The following ABLIM1 variants were observed in gnomAD, a reference collection of about 807,000 sequenced individuals.
The protein encoded by ABLIM1 is actin-binding LIM protein 1.
In ABLIM1, 40 loss-of-function variants were observed where a neutral mutation model predicts 107.0. The ratio of observed to expected loss-of-function variants is 0.37; its 90% confidence interval spans 0.29 to 0.49. The LOEUF is 0.49. Among genes scored for constraint, ABLIM1 ranks in the 20% least tolerant of loss-of-function variants. ABLIM1 has a pLI of 0.97. For missense variants in ABLIM1, 857 were observed against 1,008.5 expected (o/e 0.85, Z 2.04); for synonymous variants, 357 against 357.3 (o/e 1.00, Z 0.01).
intron 1 of ABLIM1, among the ~76,000 whole-genome samples, chr10:114,749,332 T>C (rs559053625): frequency 6.6e-6 from 1 of 152,262 alleles, no homozygotes; most frequent in South Asian, 2.1e-4. Context: ...GCCTCTTTCT[T>C]GTTCCAACAA....
chr10:114,514,608 G>C (rs989057883), intron 6 of ABLIM1, among the ~76,000 whole-genome samples: 1 of 152,086 alleles, frequency 6.6e-6, no homozygotes, highest in Non-Finnish European at 1.5e-5. Context: ...CAAGCTCCTC[G>C]GCTCAAGTGA....
At chr10:114,525,459 T>C (rs916401326) in intron 6 of ABLIM1, among the ~76,000 whole-genome samples, 1 of 152,200 alleles carries the variant, frequency 6.6e-6, no homozygotes, top group African/African-American at 2.4e-5. Flanking sequence ...CTCGAAAACA[T>C]TGGTCAAAAC....
At chr10:114,767,912 C>T in intron 1 of ABLIM1, 2 of 309,802 alleles carry the variant, frequency 6.5e-6, no homozygotes, top group South Asian at 4.5e-5. Flanking sequence ...TTCCCCTGCC[C>T]CCGGCCCCCG....
chr10:114,786,832 T>A, the ABLIM1 span, among the ~76,000 whole-genome samples: 2 of 152,178 alleles, frequency 1.3e-5, no homozygotes, highest in African/African-American at 2.4e-5. Context: ...AGTGGCGTGA[T>A]CTCGGCTCGC....
chr10:114,481,572 A>G (rs78237459), intron 8 of ABLIM1, among the ~76,000 whole-genome samples: 4,479 of 152,232 alleles, frequency 0.029, 193 homozygotes, highest in African/African-American at 0.099. Context: ...CTGAATGCCC[A>G]CTGCTAAGCA....
At chr10:114,482,442 C>T (rs2057510752) in intron 8 of ABLIM1, among the ~76,000 whole-genome samples, 1 of 152,162 alleles carries the variant, frequency 6.6e-6, no homozygotes, top group Non-Finnish European at 1.5e-5. Context: ...TATCTAATAA[C>T]TAAGGGTACT....
At chr10:114,485,238 C>T in intron 8 of ABLIM1, 1 of 1,352,160 alleles carries the variant, frequency 7.4e-7, no homozygotes, top group Non-Finnish European at 1.0e-6. Context: ...AGGGGAAAAG[C>T]AACAGAAGCC....
the ABLIM1 span, among the ~76,000 whole-genome samples, chr10:114,777,524 T>G: frequency 6.6e-6 from 1 of 152,186 alleles, no homozygotes; most frequent in Non-Finnish European, 1.5e-5. Flanking sequence ...ATAAAATAAT[T>G]GAGGGTAACT....
intron 1 of ABLIM1, among the ~76,000 whole-genome samples, chr10:114,763,399 T>C (rs988111226): frequency 6.6e-5 from 7 of 106,720 alleles, no homozygotes; most frequent in African/African-American, 2.1e-4. Flanking sequence ...TATTAATACA[T>C]TGATAGTGAT....
At position 114,698,771 on chromosome 10, in the gene ABLIM1, T is replaced by C. The variant is rs116881273; in HGVS notation, c.-213+69290A>G. Among the ~76,000 whole-genome samples the C allele has an allele frequency of 3.3e-5, 5 of 152,090 alleles. No homozygotes were observed. In the East Asian group the frequency reaches 9.7e-4, roughly 29 times the overall value. ...AAAACAATTCAGCATGTGGAGAAAA[T>C]AAGAAATTTTCAGACAGGGAAGGAT... On this transcript the variant is annotated intron_variant, in intron 1 of 15. Coordinates refer to the ABLIM1 transcript ENST00000651092.
chr10:114,563,598 G>A (rs945181626), intron 4 of ABLIM1, among the ~76,000 whole-genome samples: 6 of 152,014 alleles, frequency 3.9e-5, no homozygotes, highest in Admixed American at 3.3e-4. Flanking sequence ...ACTTTGGGAA[G>A]CTGAGGTGGG....
At chr10:114,654,755 G>A in intron 1 of ABLIM1, among the ~76,000 whole-genome samples, 1 of 152,190 alleles carries the variant, frequency 6.6e-6, no homozygotes, top group East Asian at 1.9e-4. Context: ...TGTCTGGATG[G>A]GGAATCTGAG....
chr10:114,579,224 C>G (rs373365905), intron 2 of ABLIM1, among the ~76,000 whole-genome samples: 1 of 152,026 alleles, frequency 6.6e-6, no homozygotes, highest in African/African-American at 2.4e-5. Context: ...AGAAAAACAA[C>G]AGGAAACAAT....
intron 20 of ABLIM1, 32 bp downstream of exon 20, chr10:114,440,050 G>A: frequency 6.2e-7 from 1 of 1,613,754 alleles, no homozygotes; most frequent in East Asian, 2.2e-5. Flanking sequence ...CTATCGGTGT[G>A]GCCAATTCAA....
intron 2 of ABLIM1, among the ~76,000 whole-genome samples, chr10:114,600,160 C>T (rs1310636473): frequency 2.6e-5 from 4 of 152,092 alleles, no homozygotes; most frequent in Admixed American, 2.6e-4. Context: ...TGTCCACAAT[C>T]AGACAGCTGC....
At chr10:114,752,711 T>G (rs960027320) in intron 1 of ABLIM1, among the ~76,000 whole-genome samples, 7 of 151,696 alleles carry the variant, frequency 4.6e-5, no homozygotes, top group African/African-American at 7.3e-5. Flanking sequence ...TGTTCCTGAG[T>G]TAGTTTGCTG....
chr10:114,535,806 T>C (rs1457053539), intron 6 of ABLIM1, among the ~76,000 whole-genome samples: 1 of 152,172 alleles, frequency 6.6e-6, no homozygotes, highest in Non-Finnish European at 1.5e-5. Context: ...TTGAATCACA[T>C]GGTTCCCTTT....
intron 1 of ABLIM1, among the ~76,000 whole-genome samples, chr10:114,736,417 TA>T (rs1331249742): frequency 9.2e-5 from 14 of 152,154 alleles, no homozygotes; most frequent in African/African-American, 2.7e-4. Context: ...GGTTGGATAT[TA>T]AAAAACAACA....
chr10:114,580,205 T>TTATATA (rs1555186173), intron 2 of ABLIM1, among the ~76,000 whole-genome samples: 53 of 144,878 alleles, frequency 3.7e-4, no homozygotes, highest in East Asian at 3.2e-3. Flanking sequence ...ATATTATATA[T>TTATATA]TATATATATA....
Sources: allele counts gnomAD v4.1 joint callset (sites outside exome capture counted in the v4.1 genomes callset), GRCh38; gene constraint gnomAD v4.1.1; transcripts MANE v1.5; gene names NCBI Gene and HGNC (gene_info 2026-07-23, HGNC 2026-07-21).